NPAS3: variants seen among roughly 807,000 people sequenced by gnomAD.
NPAS3 encodes neuronal PAS domain-containing protein 3.
In NPAS3, 14 loss-of-function variants were observed where a neutral mutation model predicts 73.1. The observed-to-expected ratio is 0.19, with a 90% CI of 0.13 to 0.30. The LOEUF is 0.30. Ranked by LOEUF, NPAS3 falls within the 10% of genes least tolerant of loss-of-function variation. The probability of loss-of-function intolerance (pLI) is 1.00; values close to 1 mark genes in which losing one functional copy is unlikely to be tolerated. For missense variants in NPAS3, 1,096 were observed against 1,250.0 expected (o/e 0.88, Z 1.86); for synonymous variants, 620 against 541.5 (o/e 1.14, Z -2.01).
At chr14:32,985,400 G>T (rs1044768414) in intron 1 of NPAS3, among the ~76,000 whole-genome samples, 1 of 152,100 alleles carries the variant, frequency 6.6e-6, no homozygotes, top group South Asian at 2.1e-4. Context: ...ACAGGGAGGG[G>T]ACCTTTGGTT....
chr14:33,415,062 A>G (rs1332788277), intron 4 of NPAS3, among the ~76,000 whole-genome samples: 1 of 152,112 alleles, frequency 6.6e-6, no homozygotes, highest in Non-Finnish European at 1.5e-5. Context: ...TTTTCAACCA[A>G]TATGCATAAG....
At chr14:33,603,057 C>T (rs1402386546) in intron 5 of NPAS3, among the ~76,000 whole-genome samples, 1 of 152,134 alleles carries the variant, frequency 6.6e-6, no homozygotes, top group East Asian at 1.9e-4. Flanking sequence ...ATGTTAATTA[C>T]TCAAAACTTA....
At chr14:32,977,565 C>G (rs145737524) in intron 1 of NPAS3, among the ~76,000 whole-genome samples, 25 of 152,162 alleles carry the variant, frequency 1.6e-4, no homozygotes, top group African/African-American at 6.0e-4. Context: ...GACCGTGTCT[C>G]TACTGAAAAC....
chr14:33,539,436 GAC>G (rs2054406502), intron 4 of NPAS3, among the ~76,000 whole-genome samples: 1 of 152,080 alleles, frequency 6.6e-6, no homozygotes, highest in African/African-American at 2.4e-5. Context: ...AGTGGTCTTA[GAC>G]AAGTTACATT....
In NPAS3 at chr14:33,030,864, G is replaced by A. The variant is rs190965366; in HGVS notation, c.51-25041G>A. Among the ~76,000 whole-genome samples the A allele has an allele frequency of 2.0e-5, 3 of 151,922 alleles. 1 individual carries two copies. In the East Asian group the frequency reaches 5.8e-4, roughly 29 times the overall value. On this transcript the variant is annotated intron_variant, in intron 1 of 11. Coordinates refer to ENST00000356141, the Ensembl canonical transcript of NPAS3. The stretch of plus-strand genomic sequence containing the variant: ...ACGTATGCACTAGAGACAAGCAGGA[G>A]AGCCTTATTTCTTCTTTGTTTTAAT...
chr14:32,958,598 A>C (rs1010220739), intron 1 of NPAS3, among the ~76,000 whole-genome samples: 1 of 152,174 alleles, frequency 6.6e-6, no homozygotes, highest in East Asian at 1.9e-4. Flanking sequence ...AAAAGACTGA[A>C]GATGCTGACA....
chr14:33,718,364 C>CT (rs1249508045), intron 6 of NPAS3, among the ~76,000 whole-genome samples: 1 of 152,024 alleles, frequency 6.6e-6, no homozygotes, highest in Non-Finnish European at 1.5e-5. Flanking sequence ...CCTAATTCTC[C>CT]TTTTTTGCAT....
At chr14:33,334,373 A>T (rs1285774146) in intron 3 of NPAS3, among the ~76,000 whole-genome samples, 1 of 152,172 alleles carries the variant, frequency 6.6e-6, no homozygotes, top group Non-Finnish European at 1.5e-5. Flanking sequence ...GCCTACCTGC[A>T]GTCAATCCCT....
chr14:33,648,916 G>A (rs1350811166), intron 5 of NPAS3, among the ~76,000 whole-genome samples: 3 of 152,150 alleles, frequency 2.0e-5, no homozygotes, highest in Admixed American at 1.3e-4. Context: ...CTGCCCCCCA[G>A]AATTCTAGAT....
chr14:33,275,370 ATAATAT>A (rs1309764237), intron 3 of NPAS3, among the ~76,000 whole-genome samples: 1 of 152,242 alleles, frequency 6.6e-6, no homozygotes, highest in East Asian at 1.9e-4. Context: ...AACTGGAGTC[ATAATAT>A]TAATACTTAA....
At chr14:33,374,867 A>C (rs2046251168) in intron 4 of NPAS3, among the ~76,000 whole-genome samples, 1 of 152,180 alleles carries the variant, frequency 6.6e-6, no homozygotes, top group African/African-American at 2.4e-5. Flanking sequence ...ACAAATTATC[A>C]TTTATTAAGA....
At chr14:33,172,234 G>A (rs1163990695) in intron 2 of NPAS3, among the ~76,000 whole-genome samples, 1 of 152,188 alleles carries the variant, frequency 6.6e-6, no homozygotes, top group Non-Finnish European at 1.5e-5. Flanking sequence ...AGACTTACTC[G>A]ATGTAAGGTT....
chr14:33,325,294 A>G (rs2043646305), intron 3 of NPAS3, among the ~76,000 whole-genome samples: 1 of 152,126 alleles, frequency 6.6e-6, no homozygotes, highest in Non-Finnish European at 1.5e-5. Flanking sequence ...TGTCCTCTCA[A>G]GCATTTATCA....
At chr14:33,020,729 G>A (rs2039562787) in intron 1 of NPAS3, among the ~76,000 whole-genome samples, 1 of 151,482 alleles carries the variant, frequency 6.6e-6, no homozygotes, top group South Asian at 2.1e-4. Flanking sequence ...GTTCATCAGT[G>A]ATTCCTTTCA....
upstream of NPAS3, among the ~76,000 whole-genome samples, chr14:32,938,491 G>A (rs1388307944): frequency 3.2e-5 from 3 of 94,624 alleles, no homozygotes; most frequent in Admixed American, 1.9e-4. Flanking sequence ...GAAATTGAGA[G>A]AGAGAGAGAG....
At chr14:33,475,137 C>T (rs980893842) in intron 4 of NPAS3, among the ~76,000 whole-genome samples, 5 of 151,596 alleles carry the variant, frequency 3.3e-5, no homozygotes, top group African/African-American at 9.7e-5. Context: ...CAGGACATAT[C>T]GAGTCATCAA....
At chr14:33,399,911 A>G (rs1397055021) in intron 4 of NPAS3, among the ~76,000 whole-genome samples, 1 of 152,012 alleles carries the variant, frequency 6.6e-6, no homozygotes, top group African/African-American at 2.4e-5. Context: ...AGTTGCTTTA[A>G]CTCTGTACTT....
chr14:32,955,155 T>C (rs2036625523), intron 1 of NPAS3, among the ~76,000 whole-genome samples: 1 of 152,150 alleles, frequency 6.6e-6, no homozygotes, highest in Admixed American at 6.6e-5. Context: ...AATTTTAAAA[T>C]TAAGCATTCA....
chr14:33,403,295 A>G (rs2047524258), intron 4 of NPAS3, among the ~76,000 whole-genome samples: 1 of 152,130 alleles, frequency 6.6e-6, no homozygotes, highest in South Asian at 2.1e-4. Context: ...TAGGCATTAA[A>G]AAAAAGCATA....
Sources: gnomAD v4.1 joint callset for allele counts (sites outside exome capture counted in the v4.1 genomes callset) on GRCh38, gnomAD v4.1.1 for gene constraint, MANE v1.5 for transcripts, NCBI Gene and HGNC (gene_info 2026-07-23, HGNC 2026-07-21) for gene names.